ITK: variants seen among roughly 807,000 people sequenced by gnomAD.
ITK encodes the protein tyrosine-protein kinase ITK/TSK.
In ITK, 45 loss-of-function variants were observed where a neutral mutation model predicts 87.6. The observed-to-expected ratio is 0.51, with a 90% confidence interval of 0.40 to 0.66. The LOEUF is 0.66. Ranked by LOEUF, ITK falls within the 30% of genes least tolerant of loss-of-function variation. The pLI, the probability that ITK is intolerant of heterozygous loss-of-function variation, is 0.00. For missense variants in ITK, 605 were observed against 766.3 expected, an observed-to-expected ratio of 0.79 and a Z score of 2.48; for synonymous variants, 303 against 273.6, an observed-to-expected ratio of 1.11 and a Z score of -1.06.
chr5:157,247,963 GT>G (rs1360396865), intron 15 of ITK, among the ~76,000 whole-genome samples: 1 of 152,200 alleles, frequency 6.6e-6, no homozygotes, highest in Non-Finnish European at 1.5e-5. Flanking sequence ...GTGTCTTGGG[GT>G]GATAAGCATT....
At chr5:157,199,030 G>T in intron 1 of ITK, among the ~76,000 whole-genome samples, 1 of 152,168 alleles carries the variant, frequency 6.6e-6, no homozygotes, top group African/African-American at 2.4e-5. Context: ...CTCCCAAAGT[G>T]TTGGGATTAT....
chr5:157,217,490 A>G (rs1186672003), intron 4 of ITK, among the ~76,000 whole-genome samples: 1 of 152,084 alleles, frequency 6.6e-6, no homozygotes, highest in African/African-American at 2.4e-5. Context: ...TGAGTCACCA[A>G]TTCCCACTCC....
chr5:157,241,791 A>T (rs1580906768), intron 11 of ITK, 71 bp downstream of exon 11: 2 of 1,096,314 alleles, frequency 1.8e-6, no homozygotes, highest in East Asian at 4.7e-5. Flanking sequence ...TAAACTGGCC[A>T]TGAGCCTACC....
chr5:157,203,115 G>A (rs972222078), intron 1 of ITK, among the ~76,000 whole-genome samples: 6 of 152,132 alleles, frequency 3.9e-5, no homozygotes, highest in Non-Finnish European at 7.4e-5. Flanking sequence ...CTCCAGAGAG[G>A]TCTGCCTTGG....
chr5:157,214,748 T>C (rs953153539), intron 4 of ITK, among the ~76,000 whole-genome samples: 1 of 152,218 alleles, frequency 6.6e-6, no homozygotes, highest in Admixed American at 6.5e-5. Context: ...ATATAAAATA[T>C]TTATGTCTTA....
intron 1 of ITK, 103 bp downstream of exon 1, chr5:157,181,218 C>T: frequency 6.0e-6 from 7 of 1,175,958 alleles, no homozygotes; most frequent in Non-Finnish European, 7.6e-6. Flanking sequence ...ACAGGAAACA[C>T]AAACATGCTT....
intron 1 of ITK, among the ~76,000 whole-genome samples, chr5:157,189,435 T>C (rs1278918592): frequency 6.6e-6 from 1 of 152,166 alleles, no homozygotes; most frequent in African/African-American, 2.4e-5. Flanking sequence ...ATCCTCGCAC[T>C]TTGGGAGGCC....
intron 8 of ITK, among the ~76,000 whole-genome samples, chr5:157,233,722 A>C (rs1017538881): frequency 1.3e-5 from 2 of 152,002 alleles, no homozygotes; most frequent in African/African-American, 2.4e-5. Flanking sequence ...GTGCAAAATT[A>C]GCTAAAACTC....
At chr5:157,241,805 T>C (rs1754913879) in intron 11 of ITK, 85 bp downstream of exon 11, 2 of 891,990 alleles carry the variant, frequency 2.2e-6, no homozygotes, top group East Asian at 2.5e-5. Flanking sequence ...GCCTACCTGT[T>C]CCTCAGACTA....
At chr5:157,235,760 C>CA (rs560038972) in intron 8 of ITK, among the ~76,000 whole-genome samples, 90 of 152,328 alleles carry the variant, frequency 5.9e-4, no homozygotes, top group Non-Finnish European at 1.2e-4. Context: ...ATTATCAGTC[C>CA]ATCTGTTCAC....
intron 16 of ITK, among the ~76,000 whole-genome samples, chr5:157,250,769 G>A (rs1174567928): frequency 6.6e-6 from 1 of 151,944 alleles, no homozygotes; most frequent in Non-Finnish European, 1.5e-5. Flanking sequence ...CTCCCGTAGT[G>A]CTGGGATTAT....
intron 8 of ITK, among the ~76,000 whole-genome samples, chr5:157,234,251 G>A (rs1202334635): frequency 6.6e-6 from 1 of 151,772 alleles, no homozygotes; most frequent in African/African-American, 2.4e-5. Context: ...CAGAGTGCTG[G>A]GATTACAGGC....
At chr5:157,236,265 C>T (rs1381828710) in intron 8 of ITK, among the ~76,000 whole-genome samples, 2 of 151,860 alleles carry the variant, frequency 1.3e-5, no homozygotes, top group Non-Finnish European at 2.9e-5. Flanking sequence ...ATTCCAGCTA[C>T]TTGGAAAGTT....
chr5:157,232,446 C>G (rs1754676670), intron 8 of ITK, 52 bp downstream of exon 8: 2 of 1,303,528 alleles, frequency 1.5e-6, no homozygotes, highest in Non-Finnish European at 2.2e-6. Flanking sequence ...ATTAAGTGCA[C>G]TGTCTCATGT....
chr5:157,222,774 C>A (rs1754445151), intron 5 of ITK, 89 bp from the exon 6 acceptor site: 2 of 1,277,662 alleles, frequency 1.6e-6, no homozygotes, highest in Non-Finnish European at 1.1e-6. Flanking sequence ...CAGAGGAAGG[C>A]AGACTGTCTC....
At chr5:157,213,264 CACAAGAACA>C in intron 3 of ITK, among the ~76,000 whole-genome samples, 1 of 152,192 alleles carries the variant, frequency 6.6e-6, no homozygotes, top group East Asian at 1.9e-4. Context: ...CACGTATTAT[CACAAGAACA>C]GCATGGGGGA....
intron 1 of ITK, among the ~76,000 whole-genome samples, chr5:157,181,352 T>A (rs538046194): frequency 2.6e-5 from 4 of 152,348 alleles, no homozygotes; most frequent in East Asian, 3.9e-4. Context: ...ATTCATCAGC[T>A]TTTTCCCCCT....
rs76942908 is a variant in ITK at position 157,197,761 on chromosome 5, T to C, written c.139-11128T>C. Among the ~76,000 whole-genome samples, 70 of 152,342 alleles carry C rather than the reference T, an allele frequency of 4.6e-4. 1 individual carries two copies. In the East Asian group the frequency reaches 0.012, roughly 26 times the overall value. ...TTATGTATGATGACGAATTTAACCA[T>C]ACACAGATGGATGTTTAACCATAAC... is the stretch of plus-strand genomic sequence containing the variant. On this transcript the variant is annotated intron_variant, in intron 1 of 16. Coordinates refer to ENST00000422843, the MANE Select transcript of ITK (RefSeq NM_005546.4).
In ITK at chr5:157,248,927, A is replaced by G. The variant is rs144950783; in HGVS notation, c.1711A>G (p.Ile571Val). Residue 571 changes from isoleucine (I) to valine (V), a missense_variant, in exon 16 of 17, where the codon ATC (isoleucine) becomes GTC (valine). Transcript: ENST00000422843. ...NRSNSEVVEDISTGFRLYKPR... is the reference protein window; with the variant it reads ...NRSNSEVVEDVSTGFRLYKPR... ...AAGCAACTCAGAGGTGGTGGAAGAC[A>G]TCAGTACCGGATTTCGGTTGTACAA... 7.3e-5 allele frequency: 118 copies of G among 1,613,858 alleles called. No individual in the cohort carries two copies. Among genetic ancestry groups the G allele is most frequent in the Non-Finnish European group, 9.7e-5 (115 of 1,179,858 alleles).
Sources: gnomAD v4.1 joint callset for allele counts (sites outside exome capture counted in the v4.1 genomes callset) on GRCh38, gnomAD v4.1.1 for gene constraint, MANE v1.5 for transcripts, NCBI Gene and HGNC (gene_info 2026-07-23, HGNC 2026-07-21) for gene names.